CPVL: variants seen among roughly 807,000 people sequenced by gnomAD.
CPVL encodes probable serine carboxypeptidase CPVL.
In CPVL, 51 loss-of-function variants were observed where a neutral mutation model predicts 63.7. The ratio of observed to expected loss-of-function variants is 0.80; its 90% CI spans 0.64 to 1.01. CPVL has a LOEUF of 1.01. CPVL is among the 50% of genes least tolerant of loss of function. CPVL has a pLI of 0.00. For synonymous variants in CPVL, 195 were observed against 206.0 expected (o/e 0.95, Z 0.46); for missense variants, 530 against 573.1 (o/e 0.92, Z 0.77).
intron 12 of CPVL, among the ~76,000 whole-genome samples, chr7:28,996,498 A>C (rs546744565): frequency 6.6e-6 from 1 of 151,482 alleles, no homozygotes; most frequent in South Asian, 2.1e-4. Flanking sequence ...ACTGCACTCC[A>C]GCCTGGTTGA....
intron 1 of CPVL, among the ~76,000 whole-genome samples, chr7:29,136,916 A>G (rs1791285658): frequency 6.6e-6 from 1 of 152,154 alleles, no homozygotes; most frequent in Non-Finnish European, 1.5e-5. Context: ...TCCCACAGCC[A>G]ATCAATCACC....
chr7:29,105,715 A>G (rs1485683776), intron 3 of CPVL, among the ~76,000 whole-genome samples: 2 of 151,998 alleles, frequency 1.3e-5, no homozygotes, highest in Non-Finnish European at 2.9e-5. Context: ...TCCAGTGTTT[A>G]CTCTGGCCCC....
intron 1 of CPVL, chr7:29,193,189 G>T (rs969805722): frequency 6.6e-6 from 1 of 152,176 alleles, no homozygotes; most frequent in East Asian, 1.9e-4. Flanking sequence ...TCCTTTAACA[G>T]TTTAGCAAGG....
In CPVL at chr7:29,092,636, G is replaced by A. The variant is rs771049679; in HGVS notation, c.529C>T (p.Arg177Trp). Residue 177 changes from arginine (R) to tryptophan (W), a missense_variant, in exon 6 of 13, where the codon CGG becomes TGG. Coordinates refer to ENST00000265394, the MANE Select transcript of CPVL (RefSeq NM_031311.5). ...GGAGCATTTTACCTGTATAAATCCC[G>A]TGCTACATCGTCCTCATTGACTGCA... is the stretch of plus-strand genomic sequence containing the variant. ...GYAVNEDDVA[R>W]DLYSALIQFF... The A allele has an allele frequency of 8.2e-5, 132 of 1,612,620 alleles. 1 individual carries two copies. In the Admixed American group the frequency reaches 1.5e-3, roughly 18 times the overall value.
intron 11 of CPVL, among the ~76,000 whole-genome samples, chr7:29,036,809 T>C (rs1331714452): frequency 6.6e-6 from 1 of 152,176 alleles, no homozygotes; most frequent in Non-Finnish European, 1.5e-5. Flanking sequence ...GTTTTTCTTA[T>C]TATGTTCCAG....
Position 29,105,393 on chromosome 7 carries a change from C to T in CPVL, c.288+7311G>A, listed in dbSNP as rs189111701. On this transcript the variant is annotated intron_variant, in intron 3 of 12. Transcript: ENST00000265394. ...AAGGTTGGCCATACTTGGCCGAGTGCCTGGAGAAGCAAAGCATGTTGATCT... is the reference window on the plus strand; with the variant it reads ...AAGGTTGGCCATACTTGGCCGAGTGTCTGGAGAAGCAAAGCATGTTGATCT... Among the ~76,000 whole-genome samples, 15 of 152,242 alleles carry T rather than the reference C, an allele frequency of 9.9e-5. No homozygotes were observed. In the East Asian group the frequency reaches 2.9e-3, roughly 29 times the overall value.
At chr7:29,149,300 C>G (rs975069250), upstream of CPVL, among the ~76,000 whole-genome samples, 3 of 145,276 alleles carry the variant, frequency 2.1e-5, no homozygotes, top group African/African-American at 7.6e-5. Context: ...TCAAGCGATT[C>G]CCTGCTTCAG....
At chr7:28,998,339 C>T (rs1452403571) in intron 12 of CPVL, among the ~76,000 whole-genome samples, 1 of 152,180 alleles carries the variant, frequency 6.6e-6, no homozygotes, top group East Asian at 1.9e-4. Context: ...GGTCATCCTG[C>T]CCCCAGAACC....
intron 11 of CPVL, among the ~76,000 whole-genome samples, chr7:29,043,170 G>A (rs2128166040): frequency 6.6e-6 from 1 of 151,788 alleles, no homozygotes; most frequent in Middle Eastern, 3.4e-3. Context: ...TTAGTGGAAG[G>A]TTTCCAACCA....
chr7:29,016,740 G>A (rs1360771158), intron 12 of CPVL, among the ~76,000 whole-genome samples: 2 of 152,232 alleles, frequency 1.3e-5, no homozygotes, highest in East Asian at 1.9e-4. Flanking sequence ...TGCCAGGGAC[G>A]CCAGCATGCA....
upstream of CPVL, chr7:29,146,929 C>T (rs1286648127): frequency 7.7e-6 from 12 of 1,551,152 alleles, no homozygotes; most frequent in East Asian, 2.7e-4. Context: ...AACACACGTT[C>T]GCTGATGGTC....
At chr7:29,179,172 G>T (rs1299464004) in intron 5 of CPVL, among the ~76,000 whole-genome samples, 1 of 152,168 alleles carries the variant, frequency 6.6e-6, no homozygotes, top group Non-Finnish European at 1.5e-5. Flanking sequence ...TGGGCATAAG[G>T]CTTATTTGTG....
At chr7:29,187,889 G>T (rs1215279582) in intron 1 of CPVL, among the ~76,000 whole-genome samples, 1 of 152,080 alleles carries the variant, frequency 6.6e-6, no homozygotes. Flanking sequence ...TAAATATGAG[G>T]TATATTATTA....
chr7:29,102,749 G>A (rs1181749325), intron 3 of CPVL, among the ~76,000 whole-genome samples: 3 of 151,660 alleles, frequency 2.0e-5, no homozygotes, highest in Non-Finnish European at 4.4e-5. Flanking sequence ...GCGACCCCTG[G>A]TGACCAACCC....
chr7:29,093,145 G>C (rs963208678), intron 5 of CPVL, among the ~76,000 whole-genome samples: 2 of 152,006 alleles, frequency 1.3e-5, no homozygotes, highest in African/African-American at 4.8e-5. Context: ...CAGCACTTTG[G>C]GAGGCTGAGG....
rs570170797 is a variant in CPVL, at chr7:29,020,442, A to G, written c.1320+10135T>C. ...CTGAATCCTGACTATTACTATTTAT[A>G]ATTTTTTCTTCGTTATATGTACTCT... On this transcript the variant is annotated intron_variant, in intron 12 of 12. Transcript: ENST00000265394. 4.6e-5 allele frequency among the ~76,000 whole-genome samples: 7 copies of G among 152,276 alleles called. No individual in the cohort carries two copies. In the East Asian group the frequency reaches 1.3e-3, roughly 29 times the overall value.
chr7:29,018,141 A>G (rs1786598330), intron 12 of CPVL, among the ~76,000 whole-genome samples: 1 of 152,244 alleles, frequency 6.6e-6, no homozygotes, highest in South Asian at 2.1e-4. Context: ...TCATGATTAT[A>G]GAAGCTACAC....
chr7:29,193,488 T>A (rs2128757599), intron 1 of CPVL: 1 of 152,346 alleles, frequency 6.6e-6, no homozygotes. Flanking sequence ...TGCTATATAA[T>A]GAGAGTACTT....
At chr7:29,065,907 A>C (rs1194998580) in intron 10 of CPVL, 116 bp downstream of exon 10, 1 of 602,944 alleles carries the variant, frequency 1.7e-6, no homozygotes, top group East Asian at 2.8e-5. Context: ...CACGCGGTAC[A>C]GTTTGGACAT....
Sources: allele counts gnomAD v4.1 joint callset (sites outside exome capture counted in the v4.1 genomes callset), GRCh38; gene constraint gnomAD v4.1.1; transcripts MANE v1.5; gene names NCBI Gene and HGNC (gene_info 2026-07-23, HGNC 2026-07-21).